MBOAT2: variants seen among roughly 807,000 people sequenced by gnomAD.
MBOAT2 encodes membrane bound glycerophospholipid O-acyltransferase 2.
MBOAT2 carries 28 observed loss-of-function variants against 63.4 expected under a neutral mutation model. The observed-to-expected ratio is 0.44, with a 90% CI of 0.33 to 0.61. The LOEUF is 0.61. Ranked by LOEUF, MBOAT2 falls within the 20% of genes least tolerant of loss-of-function variation. The pLI is 0.03. For missense variants in MBOAT2, 470 were observed against 605.8 expected (o/e 0.78, Z 2.35); for synonymous variants, 211 against 215.6 (o/e 0.98, Z 0.19).
At chr2:8,891,807 G>A (rs990237264) in intron 4 of MBOAT2, among the ~76,000 whole-genome samples, 3 of 152,130 alleles carry the variant, frequency 2.0e-5, no homozygotes, top group Non-Finnish European at 4.4e-5. Context: ...GCCTCAGGAT[G>A]GAGCTTCCGT....
intron 3 of MBOAT2, among the ~76,000 whole-genome samples, chr2:8,926,986 C>CA (rs1367366763): frequency 6.6e-6 from 1 of 152,184 alleles, no homozygotes; most frequent in African/African-American, 2.4e-5. Context: ...AACCAAAGCA[C>CA]AGACAGGTCT....
chr2:8,865,856 G>A (rs983052002), intron 9 of MBOAT2, among the ~76,000 whole-genome samples: 1 of 152,198 alleles, frequency 6.6e-6, no homozygotes, highest in African/African-American at 2.4e-5. Flanking sequence ...GGCCAACATG[G>A]TGAAAAGCTG....
chr2:8,957,545 C>G (rs1205402542), intron 2 of MBOAT2, among the ~76,000 whole-genome samples: 1 of 152,142 alleles, frequency 6.6e-6, no homozygotes, highest in Non-Finnish European at 1.5e-5. Flanking sequence ...GTATTCCAAT[C>G]CTCATAACTA....
At chr2:8,949,145 G>C (rs1238972185) in intron 2 of MBOAT2, among the ~76,000 whole-genome samples, 3 of 152,158 alleles carry the variant, frequency 2.0e-5, no homozygotes, top group African/African-American at 7.2e-5. Flanking sequence ...TTTGAAAAGT[G>C]TCTTTTCATG....
chr2:8,883,831 G>A (rs903607849), intron 5 of MBOAT2, among the ~76,000 whole-genome samples: 1 of 152,008 alleles, frequency 6.6e-6, no homozygotes, highest in Non-Finnish European at 1.5e-5. Flanking sequence ...ACCTATATAT[G>A]CAACAATTGG....
chr2:8,959,225 G>A (rs952441120), intron 1 of MBOAT2, among the ~76,000 whole-genome samples: 1 of 152,150 alleles, frequency 6.6e-6, no homozygotes, highest in African/African-American at 2.4e-5. Flanking sequence ...TGGCTCCCAA[G>A]GGGAAGGAAT....
At chr2:8,921,413 T>A (rs1573055826) in intron 3 of MBOAT2, among the ~76,000 whole-genome samples, 1 of 152,162 alleles carries the variant, frequency 6.6e-6, no homozygotes, top group East Asian at 1.9e-4. Context: ...ATCTACATAT[T>A]TTACAATACC....
intron 3 of MBOAT2, among the ~76,000 whole-genome samples, chr2:8,910,677 C>A (rs1002421664): frequency 1.3e-5 from 2 of 152,078 alleles, no homozygotes; most frequent in East Asian, 1.9e-4. Flanking sequence ...TCACACAGCA[C>A]CCCAACTCTC....
intron 3 of MBOAT2, among the ~76,000 whole-genome samples, chr2:8,937,157 G>A (rs1032021267): frequency 3.3e-5 from 5 of 152,170 alleles, no homozygotes; most frequent in Non-Finnish European, 4.4e-5. Flanking sequence ...CTTGCTCCAG[G>A]GGCACAGAAA....
chr2:8,942,467 C>A (rs946032225), intron 3 of MBOAT2, among the ~76,000 whole-genome samples: 1 of 152,206 alleles, frequency 6.6e-6, no homozygotes, highest in Non-Finnish European at 1.5e-5. Context: ...CCCAGCTACC[C>A]AGCTCCTACT....
intron 6 of MBOAT2, among the ~76,000 whole-genome samples, chr2:8,881,715 T>C (rs1355891307): frequency 6.6e-6 from 1 of 152,146 alleles, no homozygotes; most frequent in Non-Finnish European, 1.5e-5. Context: ...AGATTGACTA[T>C]AGGGGATATC....
intron 3 of MBOAT2, among the ~76,000 whole-genome samples, chr2:8,915,319 C>A (rs569842111): frequency 6.6e-6 from 1 of 152,100 alleles, no homozygotes. Flanking sequence ...AAAAGGAAAA[C>A]GGACCCAGCT....
intron 3 of MBOAT2, among the ~76,000 whole-genome samples, chr2:8,931,330 T>C (rs1237337940): frequency 6.6e-6 from 1 of 152,210 alleles, no homozygotes; most frequent in Admixed American, 6.5e-5. Flanking sequence ...ATGTCTTCTT[T>C]TGAGAAGTGT....
intron 1 of MBOAT2, among the ~76,000 whole-genome samples, chr2:8,979,084 C>G (rs1671027221): frequency 6.6e-6 from 1 of 152,184 alleles, no homozygotes; most frequent in Non-Finnish European, 1.5e-5. Flanking sequence ...AACTCCTCTA[C>G]TGGCCTGCCT....
intron 7 of MBOAT2, among the ~76,000 whole-genome samples, chr2:8,876,343 T>C (rs1662697799): frequency 6.6e-6 from 1 of 152,238 alleles, no homozygotes. Context: ...CCTCTGAGTC[T>C]CAGTTTCCTC....
At chr2:9,002,495 T>C (rs745730836) in intron 1 of MBOAT2, among the ~76,000 whole-genome samples, 1 of 152,166 alleles carries the variant, frequency 6.6e-6, no homozygotes, top group Non-Finnish European at 1.5e-5. Flanking sequence ...TGAACCAGTA[T>C]CCCGTGTGAA....
At chr2:8,967,328 A>G (rs1670065483) in intron 1 of MBOAT2, among the ~76,000 whole-genome samples, 1 of 152,208 alleles carries the variant, frequency 6.6e-6, no homozygotes, top group Non-Finnish European at 1.5e-5. Context: ...CTTATGTATT[A>G]TTAACAGTAA....
intron 3 of MBOAT2, among the ~76,000 whole-genome samples, chr2:8,922,279 T>C (rs536073104): frequency 1.1e-4 from 16 of 152,316 alleles, no homozygotes; most frequent in African/African-American, 2.9e-4. Context: ...CCTCCTTATC[T>C]TAATTCTTTA....
chr2:8,939,989 C>G (rs1342059611), intron 3 of MBOAT2, among the ~76,000 whole-genome samples: 1 of 152,106 alleles, frequency 6.6e-6, no homozygotes, highest in African/African-American at 2.4e-5. Context: ...TTACTTAAAA[C>G]AGCATGCTCA....
Sources: gnomAD v4.1 joint callset for allele counts (sites outside exome capture counted in the v4.1 genomes callset) on GRCh38, gnomAD v4.1.1 for gene constraint, MANE v1.5 for transcripts, NCBI Gene and HGNC (gene_info 2026-07-23, HGNC 2026-07-21) for gene names.